RAPH1: variants seen among roughly 807,000 people sequenced by gnomAD.
The protein encoded by RAPH1 is ras-associated and pleckstrin homology domains-containing protein 1.
Under a neutral mutation model 88.1 loss-of-function variants are expected in RAPH1, and 18 were observed. That is an observed-to-expected ratio of 0.20 (90% CI 0.14 to 0.30). RAPH1 has a LOEUF of 0.30. Ranked by LOEUF, RAPH1 falls within the 10% of genes least tolerant of loss-of-function variation. The pLI is 1.00. For missense variants in RAPH1, 1,448 were observed against 1,543.2 expected (o/e 0.94, Z 1.03); for synonymous variants, 587 against 559.0 (o/e 1.05, Z -0.71).
chr2:203,473,886 C>A (rs1019782412), intron 4 of RAPH1, among the ~76,000 whole-genome samples: 1 of 151,974 alleles, frequency 6.6e-6, no homozygotes. Context: ...TGTATTCAAC[C>A]ATTTTTTAGG....
intron 1 of RAPH1, among the ~76,000 whole-genome samples, chr2:203,498,714 A>C (rs1318783379): frequency 6.6e-6 from 1 of 151,994 alleles, no homozygotes; most frequent in Non-Finnish European, 1.5e-5. Flanking sequence ...AACTGCCCAT[A>C]AAAAAAATGC....
intron 10 of RAPH1, among the ~76,000 whole-genome samples, chr2:203,454,229 T>C (rs745989007): frequency 2.0e-5 from 3 of 152,206 alleles, no homozygotes; most frequent in Non-Finnish European, 4.4e-5. Flanking sequence ...TATTCACTCC[T>C]TACCTAGAGA....
chr2:203,511,036 T>C (rs1018601589), intron 1 of RAPH1, among the ~76,000 whole-genome samples: 4 of 152,210 alleles, frequency 2.6e-5, no homozygotes, highest in African/African-American at 9.7e-5. Context: ...TGTACCTCTA[T>C]GGCATTTATA....
At position 203,434,056 on chromosome 2, in the gene RAPH1, C is replaced by CTATCTATATATATATATATA. The variant is rs1488308709; in HGVS notation, c.*5380_*5381insTATATATATATATATAGATA. 6.2e-5 allele frequency: 9 copies of CTATCTATATATATATATATA among 145,692 alleles called. No individual in the cohort carries two copies. Among genetic ancestry groups the CTATCTATATATATATATATA allele is most frequent in the African/African-American group, 2.3e-4 (9 of 39,316 alleles). 9.0% of individuals were successfully genotyped at this position (145,692 alleles called of 1,614,324 possible). A position where few individuals can be genotyped will look rare whatever the true frequency, so the allele number is the denominator to read the frequency against. On this transcript the variant is annotated 3_prime_UTR_variant, in exon 14 of 14. Coordinates refer to ENST00000319170, the MANE Select transcript of RAPH1 (RefSeq NM_213589.3). ...CTCTCTCATATATCTATCTATCTAT[C>CTATCTATATATATATATATA]TATATATATATATATATATATATAG...
intron 13 of RAPH1, chr2:203,441,626 A>G: frequency 1.5e-6 from 2 of 1,348,524 alleles, no homozygotes; most frequent in Non-Finnish European, 1.9e-6. Flanking sequence ...AACTTGTTTT[A>G]CCCCACAGTA....
intron 4 of RAPH1, among the ~76,000 whole-genome samples, chr2:203,463,404 T>C (rs1198689722): frequency 6.6e-6 from 1 of 152,224 alleles, no homozygotes; most frequent in East Asian, 1.9e-4. Flanking sequence ...CATAGATTTA[T>C]TCTGTCTGCC....
At chr2:203,511,094 T>A (rs1242782600) in intron 1 of RAPH1, among the ~76,000 whole-genome samples, 2 of 152,034 alleles carry the variant, frequency 1.3e-5, no homozygotes, top group African/African-American at 4.8e-5. Flanking sequence ...ACTTGCCTTA[T>A]CACCCTCCAC....
chr2:203,521,553 AG>A (rs1689870637), intron 1 of RAPH1, among the ~76,000 whole-genome samples: 1 of 152,164 alleles, frequency 6.6e-6, no homozygotes, highest in African/African-American at 2.4e-5. Flanking sequence ...TTTGGAGCAA[AG>A]TGTAACAATT....
At chr2:203,510,841 T>C (rs1331677068) in intron 1 of RAPH1, among the ~76,000 whole-genome samples, 2 of 152,144 alleles carry the variant, frequency 1.3e-5, no homozygotes, top group Non-Finnish European at 2.9e-5. Flanking sequence ...GGAGGATTGC[T>C]TGAGCCCAGG....
intron 2 of RAPH1, among the ~76,000 whole-genome samples, chr2:203,492,936 C>G (rs1688337261): frequency 6.6e-6 from 1 of 152,158 alleles, no homozygotes; most frequent in Admixed American, 6.5e-5. Context: ...GATTGACCAA[C>G]TACCTAAAAC....
chr2:203,521,338 G>C (rs1001813747), intron 1 of RAPH1, among the ~76,000 whole-genome samples: 4 of 152,124 alleles, frequency 2.6e-5, no homozygotes, highest in Admixed American at 6.6e-5. Context: ...ACAGGCATGA[G>C]CCACTGCACC....
chr2:203,506,851 T>TATATATATATATAG (rs1689082803), intron 1 of RAPH1, among the ~76,000 whole-genome samples: 2 of 24,414 alleles, frequency 8.2e-5, no homozygotes, highest in Non-Finnish European at 2.1e-4. Context: ...TATATCTATC[T>TATATATATATATAG]ATATCTATAT....
chr2:203,507,139 C>A (rs1440566206), intron 1 of RAPH1, among the ~76,000 whole-genome samples: 3 of 150,910 alleles, frequency 2.0e-5, no homozygotes, highest in African/African-American at 7.3e-5. Flanking sequence ...TCAGGTGATA[C>A]GCCCACCTCG....
In RAPH1 at chr2:203,437,230, C is replaced by A. The variant is rs993858343; in HGVS notation, c.*2207G>T. ...CAAATCATGGGTGAAAAAAGGTTAG[C>A]GGGTACATTTTTTCCCCCTCAAGAA... On this transcript the variant is annotated 3_prime_UTR_variant, in exon 14 of 14. Coordinates refer to ENST00000319170, the MANE Select transcript of RAPH1 (RefSeq NM_213589.3). The A allele has an allele frequency of 6.6e-6, 1 of 152,136 alleles. No homozygotes were observed. The highest frequency in any genetic ancestry group is 1.5e-5 in the Non-Finnish European group (1 of 68,020). 9.4% of individuals were successfully genotyped at this position (152,136 alleles called of 1,614,324 possible). A position where few individuals can be genotyped will look rare whatever the true frequency, so the allele number is the denominator to read the frequency against.
At chr2:203,500,193 T>A (rs1688680664) in intron 1 of RAPH1, among the ~76,000 whole-genome samples, 1 of 152,140 alleles carries the variant, frequency 6.6e-6, no homozygotes. Context: ...TTAAGTGCTA[T>A]AAAAGAGGTA....
chr2:203,523,164 C>T (rs1345356956), intron 1 of RAPH1, among the ~76,000 whole-genome samples: 4 of 151,922 alleles, frequency 2.6e-5, no homozygotes, highest in South Asian at 4.2e-4. Flanking sequence ...GAGGCCGAGG[C>T]GGGCGGATCA....
In RAPH1 at chr2:203,495,443, G is replaced by A. The variant is rs1688471412; in HGVS notation, c.1-90C>T. Reference sequence around the variant, plus strand: ...ATATATGCTCTGATATATATTATATGCCTCTGAAGTCAAATCTTCAAAACT... The same window carrying A: ...ATATATGCTCTGATATATATTATATACCTCTGAAGTCAAATCTTCAAAACT... On this transcript the variant is annotated intron_variant, in intron 1 of 13. Coordinates refer to ENST00000319170, the MANE Select transcript of RAPH1 (RefSeq NM_213589.3). 9.6e-6 allele frequency: 12 copies of A among 1,245,918 alleles called. No individual in the cohort carries two copies. In the South Asian group the frequency reaches 1.6e-4, roughly 17 times the overall value. 77.2% of individuals were successfully genotyped at this position (1,245,918 alleles called of 1,614,324 possible).
intron 4 of RAPH1, among the ~76,000 whole-genome samples, chr2:203,472,318 G>GTTTTGTGTTT (rs1445490187): frequency 2.6e-5 from 4 of 152,082 alleles, no homozygotes; most frequent in Non-Finnish European, 4.4e-5. Flanking sequence ...TTTTATTAGA[G>GTTTTGTGTTT]ACAGAGTTTC....
In RAPH1 at chr2:203,448,584, A is replaced by C. The variant is rs2098512015; in HGVS notation, c.1512+154T>G. 6.6e-6 allele frequency among the ~76,000 whole-genome samples: 1 copy of C among 152,232 alleles called. No individual in the cohort carries two copies. Among genetic ancestry groups the C allele is most frequent in the Non-Finnish European group, 1.5e-5 (1 of 68,036 alleles). Reference sequence around the variant, plus strand: ...AGTTTATCCCTATAAACAAGGAAAAAAGACAACATTTAAAACTTGAAACTT... The same window carrying C: ...AGTTTATCCCTATAAACAAGGAAAACAGACAACATTTAAAACTTGAAACTT... On this transcript the variant is annotated intron_variant, in intron 11 of 13. Coordinates refer to ENST00000319170, the MANE Select transcript of RAPH1 (RefSeq NM_213589.3). This position sits in a 1 kb window ranked among gnomAD's most constrained non-coding sequence, Gnocchi z 4.1.
Sources: gnomAD v4.1 joint callset for allele counts (sites outside exome capture counted in the v4.1 genomes callset) on GRCh38, gnomAD v4.1.1 for gene constraint, Gnocchi (gnomAD v3.1) non-coding constraint, MANE v1.5 for transcripts, NCBI Gene and HGNC (gene_info 2026-07-23, HGNC 2026-07-21) for gene names.